The following RARB variants were observed in gnomAD, a reference collection of about 807,000 sequenced individuals.
RARB encodes HBV-activated protein.
RARB carries 17 observed loss-of-function variants against 51.9 expected under a neutral mutation model. That is an observed-to-expected ratio of 0.33 (90% CI 0.22 to 0.49). RARB has a LOEUF of 0.49. Ranked by LOEUF, RARB falls within the 20% of genes least tolerant of loss-of-function variation. The pLI, the probability that RARB is intolerant of heterozygous loss-of-function variation, is 0.99. For missense variants in RARB, 369 were observed against 550.8 expected, an observed-to-expected ratio of 0.67 and a Z score of 3.30; for synonymous variants, 215 against 195.4, an observed-to-expected ratio of 1.10 and a Z score of -0.84.
chr3:25,398,547 C>T (rs1257320096), intron 5 of RARB, among the ~76,000 whole-genome samples: 2 of 152,108 alleles, frequency 1.3e-5, no homozygotes. Context: ...TGCCATATTT[C>T]CAATGGGAGA....
In RARB at chr3:24,908,688, T is replaced by TA. The variant is rs1553613050; in HGVS notation, c.-380+49937dup. ...GTTTTTTTTTTTTTTTTTTTTTTTT[T>TA]ACTAACCTACAGTTAATTCACATCA... On this transcript the variant is annotated intron_variant, in intron 2 of 11. Coordinates refer to the RARB transcript ENST00000383772. 3.0e-3 allele frequency among the ~76,000 whole-genome samples: 396 copies of TA among 131,374 alleles called. 2 individuals carry two copies. Among genetic ancestry groups the TA allele is most frequent in the African/African-American group, 0.011 (370 of 33,506 alleles). 86.2% of individuals were successfully genotyped at this position (131,374 alleles called of 152,430 possible).
intron 3 of RARB, among the ~76,000 whole-genome samples, chr3:25,125,303 C>T (rs1274367144): frequency 6.6e-6 from 1 of 152,136 alleles, no homozygotes; most frequent in African/African-American, 2.4e-5. Flanking sequence ...ATTCATTCAA[C>T]AAATAGTTAT....
At position 24,933,030 on chromosome 3, in the gene RARB, G is replaced by C. The variant is rs371251432; in HGVS notation, c.-380+74278G>C. Among the ~76,000 whole-genome samples the C allele has an allele frequency of 7.4e-4, 112 of 152,136 alleles. No homozygotes were observed. In the South Asian group the frequency reaches 0.022, roughly 30 times the overall value. ...GAAAATTTAAATAAAATGTAACCCA[G>C]ATTTGTGACATTTCAATGTATAGCT... On this transcript the variant is annotated intron_variant, in intron 2 of 11. Transcript: ENST00000383772.
At chr3:25,006,681 G>A (rs986046440) in intron 2 of RARB, among the ~76,000 whole-genome samples, 2 of 152,082 alleles carry the variant, frequency 1.3e-5, no homozygotes, top group African/African-American at 4.8e-5. Context: ...TATTACAAAC[G>A]TTGTTATAAA....
chr3:25,428,070 C>T (rs1708048056), upstream of RARB, among the ~76,000 whole-genome samples: 2 of 152,284 alleles, frequency 1.3e-5, no homozygotes, highest in East Asian at 1.9e-4. Context: ...GGAAAGAAAA[C>T]GCCGGCTTGT....
At chr3:24,939,175 G>GAAAATTTCTACTAA (rs1695607476) in intron 2 of RARB, among the ~76,000 whole-genome samples, 2 of 152,022 alleles carry the variant, frequency 1.3e-5, no homozygotes, top group African/African-American at 4.8e-5. Flanking sequence ...GTAGAAACTG[G>GAAAATTTCTACTAA]GTTTCATTGT....
At chr3:25,027,858 C>T (rs1441907338) in intron 2 of RARB, among the ~76,000 whole-genome samples, 1 of 152,108 alleles carries the variant, frequency 6.6e-6, no homozygotes, top group African/African-American at 2.4e-5. Flanking sequence ...GATTTGACTA[C>T]ATCATGGCAG....
chr3:25,422,224 A>T (rs989278497), intron 5 of RARB, among the ~76,000 whole-genome samples: 1 of 152,234 alleles, frequency 6.6e-6, no homozygotes, highest in African/African-American at 2.4e-5. Flanking sequence ...CTTTATTAAT[A>T]ATATTAACAC....
At chr3:25,352,448 T>C (rs1264089194) in intron 5 of RARB, 1 of 152,114 alleles carries the variant, frequency 6.6e-6, no homozygotes, top group Non-Finnish European at 1.5e-5. Flanking sequence ...ATAATGGGAG[T>C]CTACCAGAAG....
chr3:24,956,301 A>G (rs928001463), intron 2 of RARB, among the ~76,000 whole-genome samples: 38 of 152,202 alleles, frequency 2.5e-4, no homozygotes, highest in African/African-American at 8.4e-4. Flanking sequence ...CATTTGTCAA[A>G]TGTGTATAAT....
At chr3:25,478,828 C>T (rs1036018873) in intron 2 of RARB, among the ~76,000 whole-genome samples, 1 of 152,234 alleles carries the variant, frequency 6.6e-6, no homozygotes, top group Non-Finnish European at 1.5e-5. Flanking sequence ...TCACTATTCT[C>T]ATATTGATTC....
At chr3:25,013,824 T>G (rs902581583) in intron 2 of RARB, among the ~76,000 whole-genome samples, 4 of 152,138 alleles carry the variant, frequency 2.6e-5, no homozygotes, top group African/African-American at 9.7e-5. Flanking sequence ...ACAGATCCTG[T>G]CTGTGTTACT....
intron 2 of RARB, among the ~76,000 whole-genome samples, chr3:25,489,045 T>C (rs1053270590): frequency 6.6e-6 from 1 of 152,360 alleles, no homozygotes; most frequent in East Asian, 1.9e-4. Flanking sequence ...TTAAATGTTC[T>C]CCTACAAAAC....
intron 5 of RARB, among the ~76,000 whole-genome samples, chr3:25,592,257 G>A (rs1350057311): frequency 6.6e-6 from 1 of 152,228 alleles, no homozygotes; most frequent in Non-Finnish European, 1.5e-5. Context: ...GGTTGACACT[G>A]AGGTGGACAT....
chr3:25,565,677 T>G (rs1284459467), intron 3 of RARB, among the ~76,000 whole-genome samples: 1 of 152,222 alleles, frequency 6.6e-6, no homozygotes, highest in Non-Finnish European at 1.5e-5. Flanking sequence ...CATATCAGTC[T>G]CCTCTGCCAC....
intron 5 of RARB, among the ~76,000 whole-genome samples, chr3:25,193,669 T>A (rs1701158899): frequency 6.6e-6 from 1 of 152,064 alleles, no homozygotes; most frequent in South Asian, 2.1e-4. Context: ...TAGCAGCTGT[T>A]GTGATATTTT....
chr3:25,252,085 T>C (rs1702737154), intron 5 of RARB, among the ~76,000 whole-genome samples: 1 of 152,176 alleles, frequency 6.6e-6, no homozygotes, highest in Admixed American at 6.5e-5. Flanking sequence ...GAATACACAG[T>C]TGTCCCAGCA....
chr3:25,450,937 A>G (rs1404789090), intron 1 of RARB, among the ~76,000 whole-genome samples: 1 of 152,092 alleles, frequency 6.6e-6, no homozygotes, highest in Non-Finnish European at 1.5e-5. Flanking sequence ...ATACAAAAAA[A>G]TAGCCGGGCG....
intron 5 of RARB, among the ~76,000 whole-genome samples, chr3:25,587,833 A>G (rs749019381): frequency 2.0e-5 from 3 of 152,216 alleles, no homozygotes; most frequent in Non-Finnish European, 4.4e-5. Flanking sequence ...GCCAAACACA[A>G]TCAGTGTAGA....
Sources: gnomAD v4.1 joint callset for allele counts (sites outside exome capture counted in the v4.1 genomes callset) on GRCh38, gnomAD v4.1.1 for gene constraint, MANE v1.5 for transcripts, NCBI Gene and HGNC (gene_info 2026-07-23, HGNC 2026-07-21) for gene names.